Variants in SRGN observed in about 807,000 individuals in gnomAD.
The protein encoded by SRGN is serglycin.
SRGN carries 2 observed loss-of-function variants against 9.5 expected under a neutral mutation model. That is an observed-to-expected ratio of 0.21 (90% CI 0.09 to 0.66). SRGN has a LOEUF of 0.66. Among genes scored for constraint, SRGN ranks in the 30% least tolerant of loss-of-function variants. The pLI is 0.83. For missense variants in SRGN, 170 were observed against 192.4 expected, an observed-to-expected ratio of 0.88 and a Z score of 0.69; for synonymous variants, 59 against 72.3, an observed-to-expected ratio of 0.82 and a Z score of 0.93.
At chr10:69,094,978 T>C (rs1840145741) in intron 1 of SRGN, among the ~76,000 whole-genome samples, 1 of 151,918 alleles carries the variant, frequency 6.6e-6, no homozygotes, top group South Asian at 2.1e-4. Context: ...TTTTTAAGTA[T>C]AGGTTTTTCT....
At position 69,088,152 on chromosome 10, in the gene SRGN, T is replaced by C; in HGVS notation, c.-6T>C. The C allele has an allele frequency of 6.2e-7, 1 of 1,613,850 alleles. No individual in the cohort carries two copies. Among genetic ancestry groups the C allele is most frequent in the South Asian group, 1.1e-5 (1 of 91,062 alleles). On this transcript the variant is annotated 5_prime_UTR_variant, in exon 1 of 3. Transcript: ENST00000242465. ...GTGCAGCTGGGAGAGCTAGACTAAG[T>C]TGGTCATGATGCAGAAGCTACTCAA...
intron 1 of SRGN, among the ~76,000 whole-genome samples, chr10:69,094,453 A>G (rs1408121632): frequency 1.3e-5 from 2 of 152,200 alleles, no homozygotes; most frequent in African/African-American, 2.4e-5. Flanking sequence ...TGAGAAAAAA[A>G]ATCACCAAAG....
intron 2 of SRGN, 31 bp from the exon 3 acceptor site, chr10:69,103,840 G>T (rs533226498): frequency 1.3e-5 from 21 of 1,606,570 alleles, no homozygotes; most frequent in African/African-American, 6.7e-5. Context: ...AACTCCACTG[G>T]TTTTTTTCCC....
In SRGN at chr10:69,097,427, A is replaced by ATTTTTTTTTTT. The variant is rs71035049; in HGVS notation, c.227+203_227+213dup. Among the ~76,000 whole-genome samples, 28 of 111,400 alleles carry ATTTTTTTTTTT rather than the reference A, an allele frequency of 2.5e-4. 2 individuals carry two copies. Among genetic ancestry groups the ATTTTTTTTTTT allele is most frequent in the Non-Finnish European group, 3.2e-4 (18 of 55,646 alleles). 73.1% of individuals were successfully genotyped at this position (111,400 alleles called of 152,430 possible). ...AGGCGCCTGCCACCATGCCCAGCTA[A>ATTTTTTTTTTT]TTTTTTTTTTTTTTTTTGAGACGGA... On this transcript the variant is annotated intron_variant, in intron 2 of 2. Coordinates refer to ENST00000242465, the MANE Select transcript of SRGN (RefSeq NM_002727.4).
upstream of SRGN, among the ~76,000 whole-genome samples, chr10:69,087,931 G>A (rs1379081439): frequency 6.6e-6 from 1 of 152,164 alleles, no homozygotes; most frequent in Non-Finnish European, 1.5e-5. Flanking sequence ...GGGGAGTCCA[G>A]TACAGTTTCA....
chr10:69,092,552 G>A (rs938174494), intron 1 of SRGN, among the ~76,000 whole-genome samples: 1 of 152,156 alleles, frequency 6.6e-6, no homozygotes, highest in African/African-American at 2.4e-5. Flanking sequence ...CCAGCATTTT[G>A]GGAGGCCAAG....
Position 69,088,203 on chromosome 10 carries a change from G to T in SRGN, c.46G>T (p.Ala16Ser). 6.2e-7 allele frequency: 1 copy of T among 1,614,130 alleles called. No individual in the cohort carries two copies. The highest frequency in any genetic ancestry group is 1.1e-5 in the South Asian group (1 of 91,076). ...ATGCAGTCGGCTTGTCCTGGCTCTT[G>T]CCCTCATCCTGGTTCTGGAATCCTC... ...LKCSRLVLAL[A>S]LILVLESSVQ... The change falls in exon 1 of 3, where the codon GCC becomes TCC. Residue 16 changes from alanine to serine, a missense_variant. Coordinates refer to ENST00000242465, the MANE Select transcript of SRGN (RefSeq NM_002727.4).
rs557569574 is a variant in SRGN, at chr10:69,096,567, G to A, written c.80-517G>A. ...ACTGCTACTTTTTGGAGTGTTGTAA[G>A]AAGGACAATTTATATAAAATGTTGG... On this transcript the variant is annotated intron_variant, in intron 1 of 2. Transcript: ENST00000242465. 6.6e-5 allele frequency among the ~76,000 whole-genome samples: 10 copies of A among 152,324 alleles called. No individual in the cohort carries two copies. The South Asian group carries it at 2.1e-3, about 32-fold the overall frequency.
In SRGN at chr10:69,104,557, T is replaced by C. The variant is rs956980363; in HGVS notation, c.*437T>C. 2 of 156,516 alleles carry C rather than the reference T, an allele frequency of 1.3e-5. No individual in the cohort carries two copies. Among genetic ancestry groups the C allele is most frequent in the African/African-American group, 4.8e-5 (2 of 41,444 alleles). 9.7% of individuals were successfully genotyped at this position (156,516 alleles called of 1,614,324 possible). On this transcript the variant is annotated 3_prime_UTR_variant, in exon 3 of 3. Coordinates refer to ENST00000242465, the MANE Select transcript of SRGN (RefSeq NM_002727.4). Reference sequence around the variant, plus strand: ...AAAAAAATAATGAAACACAGTGAATTTGTAGAGTGGGGGTATTTGACATAT... The same window carrying C: ...AAAAAAATAATGAAACACAGTGAATCTGTAGAGTGGGGGTATTTGACATAT...
At chr10:69,100,198 C>T (rs1160405746) in intron 2 of SRGN, among the ~76,000 whole-genome samples, 1 of 152,058 alleles carries the variant, frequency 6.6e-6, no homozygotes, top group Non-Finnish European at 1.5e-5. Context: ...CCTGTCTCTA[C>T]AGAAAAATAC....
Position 69,104,247 on chromosome 10 carries a change from T to C in SRGN, c.*127T>C. ...TAAACATCTGAAAAAGAAGCTTAAG[T>C]TTTATCATCCTTTTTTTTCTCATGA... is the stretch of plus-strand genomic sequence containing the variant. On this transcript the variant is annotated 3_prime_UTR_variant, in exon 3 of 3. Coordinates refer to ENST00000242465, the MANE Select transcript of SRGN (RefSeq NM_002727.4). 8.0e-7 allele frequency: 1 copy of C among 1,255,840 alleles called. No homozygotes were observed. Among genetic ancestry groups the C allele is most frequent in the Non-Finnish European group, 1.1e-6 (1 of 916,162 alleles). 77.8% of individuals were successfully genotyped at this position (1,255,840 alleles called of 1,614,324 possible).
At position 69,103,956 on chromosome 10, in the gene SRGN, G is replaced by A. The variant is rs1240526201; in HGVS notation, c.313G>A (p.Gly105Arg). The change falls in exon 3 of 3, where the codon GGA becomes AGA. Residue 105 changes from glycine (G) to arginine (R), a missense_variant. Gly to Arg is a moderately radical substitution (Grantham distance 125, BLOSUM62 -2). Transcript: ENST00000242465. ...AGGCTTCGGCTCCGGCTCCGGCTCTGGATCAGGATCTGGGAGTGGCTTCCT... is the reference window on the plus strand; with the variant it reads ...AGGCTTCGGCTCCGGCTCCGGCTCTAGATCAGGATCTGGGAGTGGCTTCCT... ...GSGFGSGSGSGSGSGSGFLTE... is the reference protein window; with the variant it reads ...GSGFGSGSGSRSGSGSGFLTE... 2 of 1,614,078 alleles carry A rather than the reference G, an allele frequency of 1.2e-6. No homozygotes were observed. Among genetic ancestry groups the A allele is most frequent in the East Asian group, 2.2e-5 (1 of 44,890 alleles).
chr10:69,093,172 T>C (rs1316647281), intron 1 of SRGN, among the ~76,000 whole-genome samples: 1 of 152,210 alleles, frequency 6.6e-6, no homozygotes, highest in African/African-American at 2.4e-5. Flanking sequence ...ACAAGTCACT[T>C]GTGGCTACTG....
chr10:69,096,980 T>G, intron 1 of SRGN, 104 bp from the exon 2 acceptor site: 1 of 1,252,244 alleles, frequency 8.0e-7, no homozygotes, highest in African/African-American at 1.5e-5. Flanking sequence ...GGCAGCCGAC[T>G]GAGACCCTGT....
rs12301 is a variant in SRGN at position 69,104,479 on chromosome 10, C to T, written c.*359C>T. 2,448 of 160,508 alleles carry T rather than the reference C, an allele frequency of 0.015. 45 individuals are homozygous for T. Among genetic ancestry groups the T allele is most frequent in the African/African-American group, 0.055 (2,290 of 41,482 alleles). 9.9% of individuals were successfully genotyped at this position (160,508 alleles called of 1,614,324 possible). A position where few individuals can be genotyped will look rare whatever the true frequency, so the allele number is the denominator to read the frequency against. ...AATATTTCATACCTAAATTAAGACT[C>T]TGACTTGGATTGTGAATTATAATGA... On this transcript the variant is annotated 3_prime_UTR_variant, in exon 3 of 3. Coordinates refer to ENST00000242465, the MANE Select transcript of SRGN (RefSeq NM_002727.4).
Position 69,091,879 on chromosome 10 carries a change from C to CAAAAAAAAA in SRGN, c.79+3664_79+3672dup, listed in dbSNP as rs1177012248. Among the ~76,000 whole-genome samples the CAAAAAAAAA allele has an allele frequency of 2.8e-3, 88 of 31,752 alleles. 3 individuals are homozygous for CAAAAAAAAA. Among genetic ancestry groups the CAAAAAAAAA allele is most frequent in the Admixed American group, 3.3e-3 (6 of 1,826 alleles). 20.8% of individuals were successfully genotyped at this position (31,752 alleles called of 152,430 possible). On this transcript the variant is annotated intron_variant, in intron 1 of 2. Transcript: ENST00000242465. ...TGGGCGATAGACTGAGACTCTGTCT[C>CAAAAAAAAA]AAAAAAAAAAAAAAAAAAAAAAAAA...
At chr10:69,088,581 G>A (rs1441417606) in intron 1 of SRGN, among the ~76,000 whole-genome samples, 1 of 152,142 alleles carries the variant, frequency 6.6e-6, no homozygotes, top group Non-Finnish European at 1.5e-5. Context: ...TTGACTGTTG[G>A]GGGGTGTCTG....
In SRGN at chr10:69,097,631, A is replaced by G. The variant is rs533970057; in HGVS notation, c.227+400A>G. ...TTTAGTAGAGACGGGGTTTCACCTTATTAGCCAGGATGGTCTCGATCTCCT... is the reference window on the plus strand; with the variant it reads ...TTTAGTAGAGACGGGGTTTCACCTTGTTAGCCAGGATGGTCTCGATCTCCT... On this transcript the variant is annotated intron_variant, in intron 2 of 2. Transcript: ENST00000242465. Among the ~76,000 whole-genome samples, 675 of 151,922 alleles carry G rather than the reference A, an allele frequency of 4.4e-3. 5 individuals carry two copies. Among genetic ancestry groups the G allele is most frequent in the African/African-American group, 0.015 (632 of 41,458 alleles).
chr10:69,090,269 T>C (rs985576622), intron 1 of SRGN, among the ~76,000 whole-genome samples: 1 of 152,236 alleles, frequency 6.6e-6, no homozygotes, highest in Non-Finnish European at 1.5e-5. Context: ...TCCTGTCTTA[T>C]AAAAAGTGTT....
Sources: gnomAD v4.1 joint callset for allele counts (sites outside exome capture counted in the v4.1 genomes callset) on GRCh38, gnomAD v4.1.1 for gene constraint, MANE v1.5 for transcripts, NCBI Gene and HGNC (gene_info 2026-07-23, HGNC 2026-07-21) for gene names.